The following PDZRN4 variants were observed in gnomAD, a reference collection of about 807,000 sequenced individuals.
PDZRN4 encodes PDZ domain-containing RING finger protein 4.
In PDZRN4, 70 loss-of-function variants were observed where a neutral mutation model predicts 99.0. The observed-to-expected ratio is 0.71, with a 90% CI of 0.58 to 0.86. The LOEUF (loss-of-function observed/expected upper bound fraction) is 0.86, where lower values mean the gene tolerates loss of function less well. Among genes scored for constraint, PDZRN4 ranks in the 40% least tolerant of loss-of-function variants. PDZRN4 has a pLI of 0.00. For synonymous variants in PDZRN4, 551 were observed against 501.6 expected (o/e 1.10, Z -1.32); for missense variants, 1,474 against 1,331.2 (o/e 1.11, Z -1.67).
chr12:41,195,083 G>T (rs1950762698), intron 3 of PDZRN4, among the ~76,000 whole-genome samples: 1 of 152,080 alleles, frequency 6.6e-6, no homozygotes, highest in African/African-American at 2.4e-5. Context: ...GTTGTATTCG[G>T]GGGTGATAAA....
intron 3 of PDZRN4, among the ~76,000 whole-genome samples, chr12:41,227,900 C>G (rs913030392): frequency 6.6e-6 from 1 of 151,688 alleles, no homozygotes; most frequent in Non-Finnish European, 1.5e-5. Flanking sequence ...CACACACACA[C>G]ACACACACAC....
intron 3 of PDZRN4, among the ~76,000 whole-genome samples, chr12:41,252,566 C>A (rs1394147805): frequency 6.6e-6 from 1 of 152,048 alleles, no homozygotes; most frequent in Non-Finnish European, 1.5e-5. Flanking sequence ...ATGTTGAAAC[C>A]CCATCTCTAC....
rs1464035681 is a variant in PDZRN4 at position 41,402,168 on chromosome 12, ACACAC to A, written c.844-104287_844-104283del. 1.7e-4 allele frequency among the ~76,000 whole-genome samples: 18 copies of A among 105,784 alleles called. 1 individual carries two copies. The highest frequency in any genetic ancestry group is 7.4e-4 in the African/African-American group (17 of 23,096). The allele number at this position is 105,784 out of a possible 152,430, so 69.4% of individuals were successfully genotyped here. A position where few individuals can be genotyped will look rare whatever the true frequency, so the allele number is the denominator to read the frequency against. On this transcript the variant is annotated intron_variant, in intron 3 of 9. Coordinates refer to ENST00000402685, the MANE Select transcript of PDZRN4 (RefSeq NM_001164595.2). ...ACACACTGAGTATATATATATATATACACACTGAGTATATATATATATACACACAC... is the reference window on the plus strand; with the variant it reads ...ACACACTGAGTATATATATATATATATGAGTATATATATATATACACACAC...
intron 3 of PDZRN4, among the ~76,000 whole-genome samples, chr12:41,484,498 C>T (rs1309702433): frequency 1.3e-5 from 2 of 152,234 alleles, no homozygotes; most frequent in East Asian, 3.9e-4. Context: ...TTCTCACCTG[C>T]CCCAAAAACG....
chr12:41,443,878 A>C (rs1413181862), intron 3 of PDZRN4, among the ~76,000 whole-genome samples: 1 of 152,176 alleles, frequency 6.6e-6, no homozygotes, highest in African/African-American at 2.4e-5. Flanking sequence ...AATATTCAAA[A>C]CTAAAACTTG....
intron 5 of PDZRN4, among the ~76,000 whole-genome samples, chr12:41,533,180 C>CT (rs56755593): frequency 0.36 from 52,623 of 144,700 alleles, 9,632 homozygotes; most frequent in African/African-American, 0.46. Flanking sequence ...TTTTTCTTTT[C>CT]TTTTTTTTTT....
chr12:41,260,472 T>A (rs1951229930), intron 3 of PDZRN4, among the ~76,000 whole-genome samples: 1 of 152,142 alleles, frequency 6.6e-6, no homozygotes, highest in East Asian at 1.9e-4. Flanking sequence ...AAATTCAGAA[T>A]GTAGCATATG....
intron 5 of PDZRN4, among the ~76,000 whole-genome samples, chr12:41,513,077 G>A (rs942746827): frequency 1.3e-5 from 2 of 151,950 alleles, no homozygotes; most frequent in African/African-American, 2.4e-5. Context: ...TGTGTATCTC[G>A]TGAGTACTTA....
intron 3 of PDZRN4, among the ~76,000 whole-genome samples, chr12:41,259,879 A>G (rs776520055): frequency 2.0e-4 from 31 of 152,122 alleles, no homozygotes; most frequent in Non-Finnish European, 3.4e-4. Context: ...AAGCAAATCT[A>G]TAGAAATCGA....
At chr12:41,479,466 A>G (rs543066916) in intron 3 of PDZRN4, among the ~76,000 whole-genome samples, 1 of 152,200 alleles carries the variant, frequency 6.6e-6, no homozygotes, top group Non-Finnish European at 1.5e-5. Flanking sequence ...TATTTTATGA[A>G]AGAGGTTAAC....
chr12:41,490,510 G>A (rs994168553), intron 3 of PDZRN4, among the ~76,000 whole-genome samples: 2 of 152,094 alleles, frequency 1.3e-5, no homozygotes, highest in African/African-American at 4.8e-5. Flanking sequence ...GAAATAATTT[G>A]TGTATTTTGT....
At chr12:41,453,228 T>C (rs1952789810) in intron 3 of PDZRN4, among the ~76,000 whole-genome samples, 1 of 152,174 alleles carries the variant, frequency 6.6e-6, no homozygotes, top group South Asian at 2.1e-4. Flanking sequence ...CCCTCGATCC[T>C]GAAGATGGGA....
intron 3 of PDZRN4, among the ~76,000 whole-genome samples, chr12:41,215,639 C>T (rs76144365): frequency 0.024 from 3,641 of 152,028 alleles, 106 homozygotes; most frequent in African/African-American, 0.071. Flanking sequence ...ATTACATAGA[C>T]ATTGTAGGAT....
chr12:41,192,032 C>T (rs190909820), intron 2 of PDZRN4, among the ~76,000 whole-genome samples: 378 of 152,198 alleles, frequency 2.5e-3, no homozygotes, highest in Middle Eastern at 3.4e-3. Context: ...ATCCACCTCA[C>T]GGTCTCCCAA....
At chr12:41,424,979 A>G (rs935036861) in intron 3 of PDZRN4, among the ~76,000 whole-genome samples, 1 of 152,174 alleles carries the variant, frequency 6.6e-6, no homozygotes. Flanking sequence ...GGGGCTGGGA[A>G]AAGAAAATAG....
chr12:41,192,611 T>C (rs1019681349), intron 2 of PDZRN4, among the ~76,000 whole-genome samples: 5 of 152,226 alleles, frequency 3.3e-5, no homozygotes, highest in Admixed American at 3.3e-4. Flanking sequence ...AACCTATTTA[T>C]TAAGTGCAAT....
intron 3 of PDZRN4, among the ~76,000 whole-genome samples, chr12:41,427,169 A>G (rs950394768): frequency 5.3e-5 from 8 of 152,148 alleles, no homozygotes; most frequent in Non-Finnish European, 7.4e-5. Flanking sequence ...TTTTTATCTT[A>G]AAGGAATTTA....
chr12:41,211,119 A>G (rs2120696261), intron 3 of PDZRN4, among the ~76,000 whole-genome samples: 1 of 152,112 alleles, frequency 6.6e-6, no homozygotes, highest in Admixed American at 6.6e-5. Flanking sequence ...GTTGAAGATA[A>G]GTTATTTCAT....
At chr12:41,483,995 T>G (rs1031537565) in intron 3 of PDZRN4, among the ~76,000 whole-genome samples, 1 of 152,192 alleles carries the variant, frequency 6.6e-6, no homozygotes, top group African/African-American at 2.4e-5. Context: ...CTGAAAAAAA[T>G]CATACATTTT....
Sources: allele counts gnomAD v4.1 joint callset (sites outside exome capture counted in the v4.1 genomes callset), GRCh38; gene constraint gnomAD v4.1.1; transcripts MANE v1.5; gene names NCBI Gene and HGNC (gene_info 2026-07-23, HGNC 2026-07-21).